Variants in FGD5 observed in about 807,000 individuals in gnomAD.
FGD5 encodes the protein FYVE, RhoGEF and PH domain containing 5, also known as FYVE, RhoGEF and PH domain-containing protein 5.
Under a neutral mutation model 133.4 loss-of-function variants are expected in FGD5, and 28 were observed. The ratio of observed to expected loss-of-function variants is 0.21; its 90% CI spans 0.16 to 0.29. FGD5 has a LOEUF of 0.29. Among genes scored for constraint, FGD5 ranks in the 10% least tolerant of loss-of-function variants. The pLI, the probability that FGD5 is intolerant of heterozygous loss-of-function variation, is 1.00. For synonymous variants in FGD5, 810 were observed against 776.5 expected (o/e 1.04, Z -0.72); for missense variants, 1,858 against 1,895.2 (o/e 0.98, Z 0.36).
intron 13 of FGD5, 83 bp downstream of exon 13, chr3:14,918,916 G>C (rs1030293655): frequency 8.2e-6 from 12 of 1,465,160 alleles, no homozygotes; most frequent in Non-Finnish European, 1.1e-5. Flanking sequence ...AGGATGTGCT[G>C]TTTTTATTTT....
At chr3:14,850,624 A>G (rs993853853) in intron 1 of FGD5, among the ~76,000 whole-genome samples, 2 of 152,206 alleles carry the variant, frequency 1.3e-5, no homozygotes, top group African/African-American at 4.8e-5. Context: ...TTCATGGAGG[A>G]CACAGAAATG....
At position 14,922,940 on chromosome 3, in the gene FGD5, C is replaced by T. The variant is rs988386681; in HGVS notation, c.3808-106C>T. ...GCTCCATGATCAGAACCTGGGGCTCCCTAGGGGCAGTTGTGGGTGGATTAG... is the reference window on the plus strand; with the variant it reads ...GCTCCATGATCAGAACCTGGGGCTCTCTAGGGGCAGTTGTGGGTGGATTAG... On this transcript the variant is annotated intron_variant, in intron 15 of 19. Coordinates refer to ENST00000285046, the MANE Select transcript of FGD5 (RefSeq NM_152536.4). This position sits in a 1 kb window ranked among gnomAD's most constrained non-coding sequence, Gnocchi z 4.1. 6.6e-7 allele frequency: 1 copy of T among 1,517,106 alleles called. No homozygotes were observed. Among genetic ancestry groups the T allele is most frequent in the South Asian group, 1.2e-5 (1 of 84,558 alleles). The allele number at this position is 1,517,106 out of a possible 1,614,324, so 94.0% of individuals were successfully genotyped here. A position where few individuals can be genotyped will look rare whatever the true frequency, so the allele number is the denominator to read the frequency against.
At chr3:14,906,220 A>G (rs293912) in intron 9 of FGD5, among the ~76,000 whole-genome samples, 128,255 of 152,216 alleles carry the variant, frequency 0.84, 54,236 homozygotes, top group East Asian at 0.98. Flanking sequence ...TCAGTGCTGG[A>G]CTTATGGTGG....
At chr3:14,825,318 A>G (rs1318675881) in intron 1 of FGD5, among the ~76,000 whole-genome samples, 2 of 152,252 alleles carry the variant, frequency 1.3e-5, no homozygotes, top group Admixed American at 1.3e-4. Context: ...TAAAATGTAT[A>G]CCTGGGCTGA....
intron 2 of FGD5, among the ~76,000 whole-genome samples, chr3:14,868,427 C>T (rs563956518): frequency 8.4e-4 from 128 of 152,364 alleles, no homozygotes; most frequent in African/African-American, 2.8e-3. Context: ...GCCGGCTGAC[C>T]GGTGTCCCTG....
intron 1 of FGD5, among the ~76,000 whole-genome samples, chr3:14,853,474 C>T (rs2037206518): frequency 6.6e-6 from 1 of 150,870 alleles, no homozygotes; most frequent in South Asian, 2.1e-4. Flanking sequence ...CCTTCCCCTC[C>T]CTGCTGGGCT....
Position 14,933,260 on chromosome 3 carries a change from C to CGT in FGD5, c.*93_*94insGT. ...CTGTGGCTCAACTCATCCGGACACA[C>CGT]ACCTGGATTCAGCAATGAGGCCTGA... On this transcript the variant is annotated 3_prime_UTR_variant, in exon 20 of 20. Coordinates refer to ENST00000285046, the MANE Select transcript of FGD5 (RefSeq NM_152536.4). 5 of 1,431,688 alleles carry CGT rather than the reference C, an allele frequency of 3.5e-6. No individual in the cohort carries two copies. The South Asian group carries it at 6.1e-5, about 17-fold the overall frequency. 88.7% of individuals were successfully genotyped at this position (1,431,688 alleles called of 1,614,324 possible). A position where few individuals can be genotyped will look rare whatever the true frequency, so the allele number is the denominator to read the frequency against.
intron 2 of FGD5, among the ~76,000 whole-genome samples, chr3:14,870,726 G>T (rs1391583851): frequency 1.3e-5 from 2 of 152,148 alleles, no homozygotes; most frequent in African/African-American, 4.8e-5. Context: ...CCTGACCCCA[G>T]ACTTGAGCTT....
chr3:14,845,769 C>T (rs768825773), intron 1 of FGD5, among the ~76,000 whole-genome samples: 41 of 152,354 alleles, frequency 2.7e-4, no homozygotes, highest in Middle Eastern at 3.4e-3. Context: ...TTTTATAGAA[C>T]TTTACAGTTT....
At chr3:14,895,704 GAC>G in intron 4 of FGD5, among the ~76,000 whole-genome samples, 1 of 152,114 alleles carries the variant, frequency 6.6e-6, no homozygotes, top group Non-Finnish European at 1.5e-5. Context: ...AAATAGCTGG[GAC>G]CACAGGCACC....
In FGD5 at chr3:14,820,308, G is replaced by A. The variant is rs1398278717; in HGVS notation, c.1237G>A (p.Val413Met). The change falls in exon 1 of 20, where the codon GTG (valine) becomes ATG (methionine). Residue 413 changes from valine (V) to methionine (M), a missense_variant. This residue lies in a region of FGD5 where 1,824 missense variants were observed against 1,848.9 expected (regional missense o/e 0.99). Coordinates refer to ENST00000285046, the MANE Select transcript of FGD5 (RefSeq NM_152536.4). ...GAAEGPAAPD[V>M]VVVLEEEALD... ...GGCCGAGGGTCCCGCAGCCCCTGATGTGGTGGTCGTGCTGGAGGAGGAGGC... is the reference window on the plus strand; with the variant it reads ...GGCCGAGGGTCCCGCAGCCCCTGATATGGTGGTCGTGCTGGAGGAGGAGGC... The A allele has an allele frequency of 6.2e-7, 1 of 1,607,774 alleles. No individual in the cohort carries two copies. The highest frequency in any genetic ancestry group is 2.2e-5 in the East Asian group (1 of 44,846).
intron 7 of FGD5, 86 bp from the exon 8 acceptor site, chr3:14,900,317 C>A: frequency 7.4e-7 from 1 of 1,356,454 alleles, no homozygotes; most frequent in South Asian, 1.2e-5. Flanking sequence ...TCTTCCAACT[C>A]TGGCAAGAGA....
chr3:14,846,047 A>G (rs2037045424), intron 1 of FGD5, among the ~76,000 whole-genome samples: 2 of 152,148 alleles, frequency 1.3e-5, no homozygotes. Context: ...AAAGTGACTG[A>G]TTGTTAGAAA....
intron 2 of FGD5, among the ~76,000 whole-genome samples, chr3:14,876,529 TAAATA>T (rs1409641138): frequency 6.6e-6 from 1 of 151,698 alleles, no homozygotes; most frequent in African/African-American, 2.4e-5. Context: ...AAAAAATAAA[TAAATA>T]AATAAATAAA....
At position 14,932,601 on chromosome 3, in the gene FGD5, C is replaced by T; in HGVS notation, c.4222C>T (p.Pro1408Ser). Residue 1408 changes from proline to serine, a missense_variant, in exon 19 of 20, where the codon CCT (proline) becomes TCT (serine). This residue lies in a region of FGD5 where 1,824 missense variants were observed against 1,848.9 expected (regional missense o/e 0.99). Coordinates refer to ENST00000285046, the MANE Select transcript of FGD5 (RefSeq NM_152536.4). ...GGACAAAGTGGCCTTGGAGAGTATG[C>T]CTCTGCTAGGCTTCACCATTGCTCC... Reference protein sequence around the residue: ...SEDKVALESMPLLGFTIAPEK... With the variant: ...SEDKVALESMSLLGFTIAPEK... 2 of 1,613,754 alleles carry T rather than the reference C, an allele frequency of 1.2e-6. No homozygotes were observed. Among genetic ancestry groups the T allele is most frequent in the Non-Finnish European group, 8.5e-7 (1 of 1,179,748 alleles).
At chr3:14,916,808 G>A (rs973071341) in intron 11 of FGD5, among the ~76,000 whole-genome samples, 1 of 152,194 alleles carries the variant, frequency 6.6e-6, no homozygotes, top group South Asian at 2.1e-4. Flanking sequence ...TCATCAAACA[G>A]CATATACTCT....
At chr3:14,844,261 T>A (rs1463079643) in intron 1 of FGD5, among the ~76,000 whole-genome samples, 9 of 77,824 alleles carry the variant, frequency 1.2e-4, no homozygotes, top group East Asian at 4.0e-4. Context: ...TATATATATA[T>A]ATATATATAT....
chr3:14,875,351 C>T (rs1656431), intron 2 of FGD5, among the ~76,000 whole-genome samples: 21,913 of 152,116 alleles, frequency 0.14, 1,916 homozygotes, highest in East Asian at 0.39. Context: ...AAGAGGCTGG[C>T]GCATACGGGG....
Position 14,897,505 on chromosome 3 carries a change from T to A in FGD5, c.2749-4T>A. 1 of 1,602,818 alleles carries A rather than the reference T, an allele frequency of 6.2e-7. No individual in the cohort carries two copies. The highest frequency in any genetic ancestry group is 8.5e-7 in the Non-Finnish European group (1 of 1,174,828). On this transcript the variant is annotated splice_region_variant and splice_polypyrimidine_tract_variant and intron_variant, in intron 4 of 19. Coordinates refer to ENST00000285046, the MANE Select transcript of FGD5 (RefSeq NM_152536.4). ...TGTGGGTAACAGACCTTTTGGTGTT[T>A]CAGGATTTCCATGGAGCTGTCATGA...
Sources: allele counts gnomAD v4.1 joint callset (sites outside exome capture counted in the v4.1 genomes callset), GRCh38; gene constraint gnomAD v4.1.1; regional missense constraint gnomAD v4.1.1; non-coding constraint Gnocchi (gnomAD v3.1); transcripts MANE v1.5; gene names NCBI Gene and HGNC (gene_info 2026-07-23, HGNC 2026-07-21).